DCAF8L2: variants seen among roughly 807,000 people sequenced by gnomAD.
DCAF8L2 encodes DDB1- and CUL4-associated factor 8-like protein 2.
For synonymous variants in DCAF8L2, 200 were observed against 190.9 expected (o/e 1.05, Z -0.39); for missense variants, 430 against 490.7 (o/e 0.88, Z 1.17).
chrX:27,635,590 C>T (rs916726227), intron 2 of DCAF8L2, among the ~76,000 whole-genome samples: 4 of 111,584 alleles, frequency 3.6e-5, no homozygotes, highest in Admixed American at 2.9e-4. Flanking sequence ...AAGAATATGG[C>T]AAACAGCTTT....
intron 2 of DCAF8L2, among the ~76,000 whole-genome samples, chrX:27,660,393 G>T (rs1324526638): frequency 1.8e-5 from 2 of 108,540 alleles, no homozygotes; most frequent in Non-Finnish European, 3.8e-5. Flanking sequence ...GTAGCTTATA[G>T]AGAAGGAGGT....
the DCAF8L2 span, among the ~76,000 whole-genome samples, chrX:27,571,296 A>G: frequency 2.7e-5 from 3 of 111,703 alleles, no homozygotes; most frequent in African/African-American, 9.8e-5. Flanking sequence ...CTTTGCCTCC[A>G]AAGGTCCCCA....
chrX:27,736,359 C>T (rs1460441460), intron 4 of DCAF8L2, among the ~76,000 whole-genome samples: 1 of 111,659 alleles, frequency 9.0e-6, no homozygotes, highest in African/African-American at 3.3e-5. Flanking sequence ...ATTCTGATAG[C>T]CACTTAGTTG....
chrX:27,634,814 T>C (rs1301498824), intron 2 of DCAF8L2, among the ~76,000 whole-genome samples: 1 of 111,204 alleles, frequency 9.0e-6, no homozygotes. Context: ...AAGTGTATAT[T>C]AAACATAAAT....
intron 1 of DCAF8L2, among the ~76,000 whole-genome samples, chrX:27,597,786 T>C (rs1025840033): frequency 1.4e-4 from 16 of 112,432 alleles, no homozygotes; most frequent in South Asian, 1.1e-3. Context: ...AATGTTGCTA[T>C]GAATAAGAAT....
At chrX:27,541,215 C>T in the DCAF8L2 span, among the ~76,000 whole-genome samples, 16 of 111,547 alleles carry the variant, frequency 1.4e-4, no homozygotes, top group Non-Finnish European at 2.8e-4. Context: ...CAACAAAGCA[C>T]GGACAGCCAT....
At chrX:27,651,252 T>C (rs1929137385) in intron 2 of DCAF8L2, among the ~76,000 whole-genome samples, 1 of 111,351 alleles carries the variant, frequency 9.0e-6, no homozygotes, top group South Asian at 3.8e-4. Context: ...TGGCCTGTAG[T>C]TTTCCTTTTT....
intron 3 of DCAF8L2, among the ~76,000 whole-genome samples, chrX:27,704,335 A>G (rs915182964): frequency 1.2e-4 from 13 of 108,070 alleles, no homozygotes; most frequent in African/African-American, 1.7e-4. Context: ...AATATTATCC[A>G]GCCTCATAAA....
chrX:27,498,877 G>A, the DCAF8L2 span, among the ~76,000 whole-genome samples: 1 of 111,806 alleles, frequency 8.9e-6, no homozygotes, highest in Non-Finnish European at 1.9e-5. Context: ...ACAACTAGCA[G>A]GATTTCATTC....
Position 27,720,123 on chromosome X carries a change from A to C in DCAF8L2, c.-59+3952A>C, listed in dbSNP as rs977516053. 2.7e-5 allele frequency among the ~76,000 whole-genome samples: 3 copies of C among 110,907 alleles called. No homozygotes were observed. The South Asian group carries it at 1.1e-3, about 42-fold the overall frequency. On this transcript the variant is annotated intron_variant, in intron 4 of 4. Transcript: ENST00000451261. ...ATACAGATATCCAATTGTTCCAATAATATTTATTTAAAAATGTATATTTCC... is the reference window on the plus strand; with the variant it reads ...ATACAGATATCCAATTGTTCCAATACTATTTATTTAAAAATGTATATTTCC...
chrX:27,664,649 A>C (rs1438247549), intron 2 of DCAF8L2, among the ~76,000 whole-genome samples: 3 of 112,155 alleles, frequency 2.7e-5, no homozygotes, highest in African/African-American at 9.7e-5. Flanking sequence ...ATAGCCAGAG[A>C]GAATAAGTCA....
At position 27,748,659 on chromosome X, in the gene DCAF8L2, G is replaced by A. The variant is rs45553337; in HGVS notation, c.1764G>A (p.Thr588=). The change falls in exon 5 of 5, where the codon ACG becomes ACA. Residue 588 remains threonine (T), a synonymous_variant. Coordinates refer to ENST00000451261, the MANE Select transcript of DCAF8L2 (RefSeq NM_001353450.2). ...YMLWFLLRHV[T]QRGRHQDWRS... ...TTTGGTTCCTCCTGCGTCACGTGAC[G>A]CAGAGAGGTCGTCACCAGGACTGGA... The A allele has an allele frequency of 0.26, 306,119 of 1,194,247 alleles. 27,849 individuals are homozygous for A. The highest frequency in any genetic ancestry group is 0.29 in the Middle Eastern group (1,246 of 4,337).
the DCAF8L2 span, among the ~76,000 whole-genome samples, chrX:27,487,982 G>A: frequency 8.9e-5 from 10 of 111,824 alleles, no homozygotes; most frequent in African/African-American, 3.3e-4. Flanking sequence ...AAAACTTCAG[G>A]TACAAGTCTT....
At chrX:27,584,123 C>G in the DCAF8L2 span, among the ~76,000 whole-genome samples, 2 of 111,542 alleles carry the variant, frequency 1.8e-5, no homozygotes, top group African/African-American at 6.5e-5. Flanking sequence ...TACATTTTTT[C>G]TGAGTAACTC....
the DCAF8L2 span, among the ~76,000 whole-genome samples, chrX:27,549,086 A>G: frequency 8.9e-6 from 1 of 112,226 alleles, no homozygotes; most frequent in Admixed American, 9.5e-5. Context: ...AAGTAGTTCT[A>G]GGAATGAACA....
At chrX:27,716,885 G>A (rs1057211160) in intron 4 of DCAF8L2, among the ~76,000 whole-genome samples, 4 of 110,847 alleles carry the variant, frequency 3.6e-5, no homozygotes, top group South Asian at 7.7e-4. Context: ...CTCTCTCCCC[G>A]CACCCCACCC....
chrX:27,630,774 G>A (rs1055013653), intron 1 of DCAF8L2, among the ~76,000 whole-genome samples: 1 of 111,949 alleles, frequency 8.9e-6, no homozygotes, highest in African/African-American at 3.2e-5. Context: ...TTACAGTTCT[G>A]GAAGCTAGGA....
chrX:27,635,925 C>T (rs1227354327), intron 2 of DCAF8L2, among the ~76,000 whole-genome samples: 1 of 108,669 alleles, frequency 9.2e-6, no homozygotes, highest in Non-Finnish European at 1.9e-5. Context: ...GATTCTCCTG[C>T]CTCAGCCTCC....
the DCAF8L2 span, among the ~76,000 whole-genome samples, chrX:27,522,885 C>T: frequency 9.0e-6 from 1 of 111,555 alleles, no homozygotes; most frequent in African/African-American, 3.3e-5. Flanking sequence ...AAATAGGGAG[C>T]AGACTCATGA....
Sources: gnomAD v4.1 joint callset for allele counts (sites outside exome capture counted in the v4.1 genomes callset) on GRCh38, gnomAD v4.1.1 for gene constraint, MANE v1.5 for transcripts, NCBI Gene and HGNC (gene_info 2026-07-23, HGNC 2026-07-21) for gene names.